FXYD7: variants seen among roughly 807,000 people sequenced by gnomAD.
FXYD7 encodes FXYD domain containing ion transport regulator 7, also known as FXYD domain-containing ion transport regulator 7.
A neutral mutation model predicts 15.3 loss-of-function variants in FXYD7; 7 were observed. The observed-to-expected ratio is 0.46, with a 90% confidence interval of 0.26 to 0.86. FXYD7 has a LOEUF of 0.86. Among genes scored for constraint, FXYD7 ranks in the 40% least tolerant of loss-of-function variants. FXYD7 has a pLI of 0.16. For synonymous variants in FXYD7, 39 were observed against 39.3 expected (o/e 0.99, Z 0.03); for missense variants, 78 against 100.6 (o/e 0.78, Z 0.96).
At chr19:35,148,246 C>A (rs2065297752) in intron 1 of FXYD7, among the ~76,000 whole-genome samples, 1 of 152,156 alleles carries the variant, frequency 6.6e-6, no homozygotes, top group Non-Finnish European at 1.5e-5. Context: ...CCTGTCGGAG[C>A]TCTCAGGTGA....
chr19:35,148,647 GTT>G, intron 1 of FXYD7, 45 bp from the exon 2 acceptor site: 3 of 1,486,132 alleles, frequency 2.0e-6, no homozygotes, highest in Non-Finnish European at 2.7e-6. Flanking sequence ...GAAATACACT[GTT>G]AAGTTTTTTT....
rs73041994 is a variant in FXYD7 at position 35,151,403 on chromosome 19, T to G, written c.137-37T>G. ...GCTTTCATCCATATCCTACCCGCTATGTCCTGTCTTCTTGTTCTGTCTCTC... is the reference window on the plus strand; with the variant it reads ...GCTTTCATCCATATCCTACCCGCTAGGTCCTGTCTTCTTGTTCTGTCTCTC... On this transcript the variant is annotated intron_variant, in intron 3 of 5. Transcript: ENST00000270310. 0.044 allele frequency: 71,435 copies of G among 1,611,990 alleles called. 1,832 individuals are homozygous for G. Among genetic ancestry groups the G allele is most frequent in the Middle Eastern group, 0.092 (560 of 6,060 alleles).
At chr19:35,144,219 T>C (rs2065280234) in intron 1 of FXYD7, among the ~76,000 whole-genome samples, 1 of 152,010 alleles carries the variant, frequency 6.6e-6, no homozygotes, top group South Asian at 2.1e-4. Context: ...TGAGACCCTA[T>C]GTGTGGGAAT....
rs370781224 is a variant in FXYD7 at position 35,154,206 on chromosome 19, C to G, written c.*290C>G. Reference sequence around the variant, plus strand: ...CCCCAGCATCCCCGTGTATGGCCCCCCTGCACCTCCTTGTCTCATCCCCGA... The same window carrying G: ...CCCCAGCATCCCCGTGTATGGCCCCGCTGCACCTCCTTGTCTCATCCCCGA... On this transcript the variant is annotated 3_prime_UTR_variant, in exon 6 of 6. Transcript: ENST00000270310. 2 of 533,186 alleles carry G rather than the reference C, an allele frequency of 3.8e-6. No homozygotes were observed. The highest frequency in any genetic ancestry group is 4.0e-5 in the African/African-American group (2 of 50,576). The allele number at this position is 533,186 out of a possible 1,614,324, so 33.0% of individuals were successfully genotyped here. A position where few individuals can be genotyped will look rare whatever the true frequency, so the allele number is the denominator to read the frequency against.
chr19:35,148,820 G>A lies in FXYD7; in HGVS notation c.61+97G>A, dbSNP rs115763816. The A allele has an allele frequency of 3.1e-3, 3,407 of 1,094,774 alleles. 36 individuals are homozygous for A. Among genetic ancestry groups the A allele is most frequent in the African/African-American group, 0.027 (1,730 of 65,096 alleles). 67.8% of individuals were successfully genotyped at this position (1,094,774 alleles called of 1,614,324 possible). On this transcript the variant is annotated intron_variant, in intron 2 of 5. Transcript: ENST00000270310. ...GGCTTCAGCTGTGGCCACACGATAC[G>A]TGCTGGGCCACTGGCCACGGGACCA... is the stretch of plus-strand genomic sequence containing the variant.
rs2065330401 is a variant in FXYD7 at position 35,154,290 on chromosome 19, G to GT, written c.*380dup. Reference sequence around the variant, plus strand: ...CTTGAGCTTAATAAATGTGCATTTGGTTTTTTCCTCTGTTCTGTCTGTGTG... The same window carrying GT: ...CTTGAGCTTAATAAATGTGCATTTGGTTTTTTTCCTCTGTTCTGTCTGTGTG... On this transcript the variant is annotated 3_prime_UTR_variant, in exon 6 of 6. Coordinates refer to ENST00000270310, the MANE Select transcript of FXYD7 (RefSeq NM_022006.2). 9.2e-6 allele frequency: 3 copies of GT among 326,654 alleles called. No homozygotes were observed. The highest frequency in any genetic ancestry group is 4.4e-5 in the African/African-American group (2 of 45,484). 20.2% of individuals were successfully genotyped at this position (326,654 alleles called of 1,614,324 possible).
rs189730411 is a variant in FXYD7, at chr19:35,149,451, C to A, written c.61+728C>A. On this transcript the variant is annotated intron_variant, in intron 2 of 5. Transcript: ENST00000270310. ...ACTCTACTGGGATAGGCCCTCCTGA[C>A]TCCCTGGCAAGGAAGAGCCACACCA... 163 of 179,650 alleles carry A rather than the reference C, an allele frequency of 9.1e-4. 2 individuals carry two copies. The highest frequency in any genetic ancestry group is 8.0e-3 in the Admixed American group (149 of 18,568). 11.1% of individuals were successfully genotyped at this position (179,650 alleles called of 1,614,324 possible).
intron 1 of FXYD7, among the ~76,000 whole-genome samples, chr19:35,146,021 C>T (rs765970279): frequency 1.3e-5 from 2 of 152,218 alleles, no homozygotes; most frequent in Non-Finnish European, 1.5e-5. Context: ...AAGCAATTCA[C>T]CCACTTTGGC....
chr19:35,144,650 G>A (rs1211491365), intron 1 of FXYD7, among the ~76,000 whole-genome samples: 1 of 147,672 alleles, frequency 6.8e-6, no homozygotes, highest in Non-Finnish European at 1.5e-5. Context: ...GCGGGGGGTG[G>A]GGGGGGCTGC....
chr19:35,144,049 G>A (rs1386014119), intron 1 of FXYD7, among the ~76,000 whole-genome samples: 1 of 151,836 alleles, frequency 6.6e-6, no homozygotes. Flanking sequence ...GAGATGCAGA[G>A]AGAGAGAGAA....
rs140721021 is a variant in FXYD7, at chr19:35,144,430, G to C, written c.31+1066G>C. On this transcript the variant is annotated intron_variant, in intron 1 of 5. Transcript: ENST00000270310. ...CCTAATAGCCCCCACTGCTAATCCT[G>C]CTTCTGCAGATGAGCAAGGCACAGA... 4.9e-3 allele frequency among the ~76,000 whole-genome samples: 750 copies of C among 152,214 alleles called. 5 individuals carry two copies. The highest frequency in any genetic ancestry group is 0.017 in the African/African-American group (689 of 41,522).
At position 35,148,621 on chromosome 19, in the gene FXYD7, T is replaced by C. The variant is rs142897202; in HGVS notation, c.32-73T>C. The C allele has an allele frequency of 8.5e-5, 111 of 1,299,494 alleles. 2 individuals are homozygous for C. The East Asian group carries it at 2.6e-3, about 30-fold the overall frequency. The allele number at this position is 1,299,494 out of a possible 1,614,324, so 80.5% of individuals were successfully genotyped here. On this transcript the variant is annotated intron_variant, in intron 1 of 5. Transcript: ENST00000270310. The stretch of plus-strand genomic sequence containing the variant: ...GATTAGGCCAGTGGCTCCATCTGGA[T>C]CCTAAAAAATATTAAGAAATACACT...
intron 1 of FXYD7, among the ~76,000 whole-genome samples, chr19:35,144,656 G>C (rs1431799311): frequency 7.1e-6 from 1 of 141,626 alleles, no homozygotes; most frequent in Non-Finnish European, 1.6e-5. Context: ...GGTGGGGGGG[G>C]CTGCAGAGGC....
chr19:35,148,067 GA>G (rs781690968), intron 1 of FXYD7, among the ~76,000 whole-genome samples: 1 of 118,550 alleles, frequency 8.4e-6, no homozygotes, highest in South Asian at 3.1e-4. Flanking sequence ...AAGAAAGAAA[GA>G]AAGAAAGAAA....
intron 5 of FXYD7, among the ~76,000 whole-genome samples, chr19:35,153,203 G>A (rs529778452): frequency 1.3e-5 from 2 of 151,868 alleles, no homozygotes; most frequent in East Asian, 3.9e-4. Flanking sequence ...GGGACTACAG[G>A]CACACACCAC....
rs188835443 is a variant in FXYD7, at chr19:35,152,925, T to C, written c.221-969T>C. 6.2e-4 allele frequency among the ~76,000 whole-genome samples: 81 copies of C among 129,804 alleles called. 1 individual carries two copies. The East Asian group carries it at 0.016, about 25-fold the overall frequency. 85.2% of individuals were successfully genotyped at this position (129,804 alleles called of 152,430 possible). A position where few individuals can be genotyped will look rare whatever the true frequency, so the allele number is the denominator to read the frequency against. On this transcript the variant is annotated intron_variant, in intron 5 of 5. Coordinates refer to ENST00000270310, the MANE Select transcript of FXYD7 (RefSeq NM_022006.2). The stretch of plus-strand genomic sequence containing the variant: ...GAAATGGGAATTTCTGTGTCTCTTA[T>C]AAAGTTCTTATAACTAAAAAAAAAA...
At chr19:35,153,619 C>T (rs2065325024) in intron 5 of FXYD7, among the ~76,000 whole-genome samples, 1 of 152,044 alleles carries the variant, frequency 6.6e-6, no homozygotes, top group South Asian at 2.1e-4. Flanking sequence ...ATGGGGACTC[C>T]CTTTCTGGCA....
At chr19:35,148,197 G>A (rs888577637) in intron 1 of FXYD7, among the ~76,000 whole-genome samples, 1 of 152,212 alleles carries the variant, frequency 6.6e-6, no homozygotes, top group Non-Finnish European at 1.5e-5. Flanking sequence ...ACTGGATGGA[G>A]TATCAGGAGT....
chr19:35,151,694 G>A (rs752322086), intron 5 of FXYD7, 21 bp downstream of exon 5: 1 of 1,600,966 alleles, frequency 6.2e-7, no homozygotes, highest in Non-Finnish European at 8.6e-7. Flanking sequence ...GAAACTGTGT[G>A]GTTCTGGGAG....
Sources: allele counts gnomAD v4.1 joint callset (sites outside exome capture counted in the v4.1 genomes callset), GRCh38; gene constraint gnomAD v4.1.1; transcripts MANE v1.5; gene names NCBI Gene and HGNC (gene_info 2026-07-23, HGNC 2026-07-21).